GHR: variants seen among roughly 807,000 people sequenced by gnomAD.
The protein encoded by GHR is growth hormone receptor.
Under a neutral mutation model 67.1 loss-of-function variants are expected in GHR, and 35 were observed. The observed-to-expected ratio is 0.52, with a 90% confidence interval of 0.40 to 0.69. The LOEUF is 0.69. Ranked by LOEUF, GHR falls within the 30% of genes least tolerant of loss-of-function variation. The probability of loss-of-function intolerance (pLI) is 0.00; values close to 1 mark genes in which losing one functional copy is unlikely to be tolerated. For synonymous variants in GHR, 272 were observed against 269.1 expected (o/e 1.01, Z -0.10); for missense variants, 792 against 764.6 (o/e 1.04, Z -0.42).
At chr5:42,606,171 G>T (rs1007213263) in intron 2 of GHR, among the ~76,000 whole-genome samples, 25 of 152,140 alleles carry the variant, frequency 1.6e-4, no homozygotes, top group African/African-American at 4.8e-4. Context: ...GGAGAGATTA[G>T]ATGCTTGATT....
At chr5:42,426,595 T>C (rs1742862550) in intron 1 of GHR, among the ~76,000 whole-genome samples, 1 of 152,246 alleles carries the variant, frequency 6.6e-6, no homozygotes, top group African/African-American at 2.4e-5. Context: ...TACTTTTTCT[T>C]CTTTAAAAAG....
intron 1 of GHR, among the ~76,000 whole-genome samples, chr5:42,550,972 A>G (rs1053743636): frequency 7.2e-5 from 11 of 152,202 alleles, no homozygotes; most frequent in Non-Finnish European, 1.0e-4. Context: ...ACTAACTTCT[A>G]AAAATCCAGA....
intron 1 of GHR, among the ~76,000 whole-genome samples, chr5:42,456,332 T>C (rs1744259029): frequency 6.6e-6 from 1 of 152,086 alleles, no homozygotes; most frequent in African/African-American, 2.4e-5. Context: ...TAAATAAAAA[T>C]TAAAATTAGA....
chr5:42,464,737 G>A (rs767133121), intron 1 of GHR, among the ~76,000 whole-genome samples: 4 of 152,112 alleles, frequency 2.6e-5, no homozygotes, highest in Non-Finnish European at 4.4e-5. Context: ...GTCCCTGGCA[G>A]AACTAATAAT....
At chr5:42,625,836 G>C (rs1381245784) in intron 2 of GHR, among the ~76,000 whole-genome samples, 1 of 152,036 alleles carries the variant, frequency 6.6e-6, no homozygotes, top group Non-Finnish European at 1.5e-5. Flanking sequence ...GAAAACAAAG[G>C]GGGAAGGGGA....
chr5:42,455,672 G>C (rs1203499596), intron 1 of GHR, among the ~76,000 whole-genome samples: 2 of 152,210 alleles, frequency 1.3e-5, no homozygotes, highest in Non-Finnish European at 2.9e-5. Flanking sequence ...CCTTCATGGA[G>C]ATTGCATTCT....
At chr5:42,529,014 T>C (rs879679955) in intron 1 of GHR, among the ~76,000 whole-genome samples, 25,341 of 87,918 alleles carry the variant, frequency 0.29, 2,007 homozygotes, top group African/African-American at 0.37. Flanking sequence ...TACACGTAAC[T>C]TTTTTTTTTT....
chr5:42,626,632 C>T (rs994241244), intron 2 of GHR, among the ~76,000 whole-genome samples: 1 of 152,136 alleles, frequency 6.6e-6, no homozygotes, highest in African/African-American at 2.4e-5. Context: ...CTTGGTCTTT[C>T]CTGTGACCAT....
intron 2 of GHR, among the ~76,000 whole-genome samples, chr5:42,567,222 C>A (rs888528397): frequency 1.3e-5 from 2 of 152,000 alleles, no homozygotes; most frequent in Non-Finnish European, 2.9e-5. Context: ...CTCCACTGGG[C>A]AAGATTTGAG....
chr5:42,551,672 T>C (rs113114243), intron 1 of GHR, among the ~76,000 whole-genome samples: 60 of 152,290 alleles, frequency 3.9e-4, no homozygotes, highest in Middle Eastern at 6.8e-3. Flanking sequence ...AATGTAGGGA[T>C]CAGAAGCAGG....
At chr5:42,582,730 C>T (rs991526015) in intron 2 of GHR, among the ~76,000 whole-genome samples, 1 of 152,204 alleles carries the variant, frequency 6.6e-6, no homozygotes, top group African/African-American at 2.4e-5. Context: ...GGGGGCTCTG[C>T]GGTTTCTGTC....
chr5:42,602,868 T>C (rs1752447278), intron 2 of GHR, among the ~76,000 whole-genome samples: 1 of 152,208 alleles, frequency 6.6e-6, no homozygotes, highest in South Asian at 2.1e-4. Context: ...GTTATAGTTG[T>C]TTTAATACTT....
chr5:42,463,262 A>T (rs1744564108), intron 1 of GHR, among the ~76,000 whole-genome samples: 1 of 152,242 alleles, frequency 6.6e-6, no homozygotes, highest in Non-Finnish European at 1.5e-5. Flanking sequence ...ATGTATATTG[A>T]GAGAGAAGCT....
At chr5:42,636,465 T>C (rs1427483378) in intron 3 of GHR, among the ~76,000 whole-genome samples, 1 of 152,184 alleles carries the variant, frequency 6.6e-6, no homozygotes, top group Non-Finnish European at 1.5e-5. Flanking sequence ...ACCTTTTTGG[T>C]TGTGACCTTT....
At chr5:42,565,098 A>G (rs1302135348) in intron 1 of GHR, among the ~76,000 whole-genome samples, 2 of 151,646 alleles carry the variant, frequency 1.3e-5, no homozygotes, top group African/African-American at 4.9e-5. Flanking sequence ...GTGTTGATCT[A>G]CTCTCTCCGT....
chr5:42,704,184 A>T (rs1429757138), intron 6 of GHR, among the ~76,000 whole-genome samples: 3 of 151,908 alleles, frequency 2.0e-5, no homozygotes, highest in Non-Finnish European at 4.4e-5. Context: ...GTTTATTATG[A>T]TGTGAGTTTG....
intron 3 of GHR, among the ~76,000 whole-genome samples, chr5:42,639,762 A>C (rs191190214): frequency 6.6e-5 from 10 of 152,314 alleles, no homozygotes; most frequent in Admixed American, 2.6e-4. Context: ...GCTTGTGTAC[A>C]CATGGTATCT....
intron 3 of GHR, among the ~76,000 whole-genome samples, chr5:42,662,806 T>C (rs1287882704): frequency 2.0e-5 from 3 of 152,084 alleles, no homozygotes; most frequent in African/African-American, 7.2e-5. Context: ...AAATAATTAA[T>C]GAATCCAGGA....
At chr5:42,513,898 T>G (rs1747130084) in intron 1 of GHR, among the ~76,000 whole-genome samples, 1 of 152,194 alleles carries the variant, frequency 6.6e-6, no homozygotes, top group Non-Finnish European at 1.5e-5. Flanking sequence ...TGTTCTTATT[T>G]CTAGGGATTA....
Sources: gnomAD v4.1 joint callset for allele counts (sites outside exome capture counted in the v4.1 genomes callset) on GRCh38, gnomAD v4.1.1 for gene constraint, MANE v1.5 for transcripts, NCBI Gene and HGNC (gene_info 2026-07-23, HGNC 2026-07-21) for gene names.